ULK4: variants seen among roughly 807,000 people sequenced by gnomAD.
ULK4 encodes the protein unc-51 like kinase 4.
A neutral mutation model predicts 160.6 loss-of-function variants in ULK4; 133 were observed. The observed-to-expected ratio is 0.83, with a 90% CI of 0.72 to 0.96. The LOEUF (loss-of-function observed/expected upper bound fraction) is 0.96, where lower values mean the gene tolerates loss of function less well. ULK4 is among the 40% of genes least tolerant of loss of function. The pLI is 0.00. For synonymous variants in ULK4, 534 were observed against 539.8 expected, an observed-to-expected ratio of 0.99 and a Z score of 0.15; for missense variants, 1,580 against 1,499.5, an observed-to-expected ratio of 1.05 and a Z score of -0.89.
At chr3:41,890,490 G>A (rs1391760720) in intron 16 of ULK4, among the ~76,000 whole-genome samples, 13 of 151,892 alleles carry the variant, frequency 8.6e-5, no homozygotes, top group Admixed American at 7.9e-4. Flanking sequence ...GACCAGCCTG[G>A]CCAACATGGT....
At chr3:41,414,767 G>A (rs2125830551) in intron 34 of ULK4, among the ~76,000 whole-genome samples, 1 of 152,300 alleles carries the variant, frequency 6.6e-6, no homozygotes, top group African/African-American at 2.4e-5. Flanking sequence ...TCATTAAGCT[G>A]ATGAATGGTG....
chr3:41,794,973 G>T (rs1392018236), intron 20 of ULK4, among the ~76,000 whole-genome samples: 1 of 152,140 alleles, frequency 6.6e-6, no homozygotes, highest in African/African-American at 2.4e-5. Context: ...TTACAAGATG[G>T]AACCAAAGAG....
intron 32 of ULK4, among the ~76,000 whole-genome samples, chr3:41,481,999 T>A (rs2125897761): frequency 6.6e-6 from 1 of 152,318 alleles, no homozygotes; most frequent in Non-Finnish European, 1.5e-5. Context: ...ACAAGCATTG[T>A]ACCTAGGGTG....
chr3:41,623,149 T>C (rs2033336815), intron 30 of ULK4, among the ~76,000 whole-genome samples: 1 of 152,216 alleles, frequency 6.6e-6, no homozygotes, highest in Admixed American at 6.5e-5. Context: ...GTTGTAGGTA[T>C]GTGTAGTTTG....
At chr3:41,937,657 T>C (rs1042355789) in intron 3 of ULK4, among the ~76,000 whole-genome samples, 1 of 152,180 alleles carries the variant, frequency 6.6e-6, no homozygotes. Flanking sequence ...TATGAAGCAA[T>C]AGCTATAACT....
At chr3:41,642,779 T>C (rs2034282500) in intron 30 of ULK4, among the ~76,000 whole-genome samples, 1 of 152,244 alleles carries the variant, frequency 6.6e-6, no homozygotes, top group Admixed American at 6.5e-5. Flanking sequence ...ACTTCCACAA[T>C]GGTTGAACTG....
At chr3:41,660,272 G>C (rs938573868) in intron 30 of ULK4, among the ~76,000 whole-genome samples, 1 of 151,770 alleles carries the variant, frequency 6.6e-6, no homozygotes, top group African/African-American at 2.4e-5. Flanking sequence ...ACCAGCCTGT[G>C]GCAACAAGAG....
chr3:41,847,687 G>A (rs2042103752), intron 17 of ULK4, among the ~76,000 whole-genome samples: 1 of 151,788 alleles, frequency 6.6e-6, no homozygotes, highest in African/African-American at 2.4e-5. Flanking sequence ...ACAGAGCTAG[G>A]GCACATAAAA....
At chr3:41,954,176 TAAAAAAAAAAAAA>T (rs11325222) in intron 2 of ULK4, among the ~76,000 whole-genome samples, 1 of 118,688 alleles carries the variant, frequency 8.4e-6, no homozygotes. Context: ...GACTCCGTCT[TAAAAAAAAAAAAA>T]AAAAAAGAAA....
At chr3:41,665,525 T>C (rs1434551537) in intron 29 of ULK4, among the ~76,000 whole-genome samples, 1 of 152,170 alleles carries the variant, frequency 6.6e-6, no homozygotes, top group African/African-American at 2.4e-5. Flanking sequence ...GTTTAAGAAG[T>C]CAGCAAATGT....
intron 34 of ULK4, among the ~76,000 whole-genome samples, chr3:41,450,128 T>C (rs531542766): frequency 6.6e-6 from 1 of 152,260 alleles, no homozygotes; most frequent in East Asian, 1.9e-4. Context: ...TAGTTAACTA[T>C]CTAGTTTAAA....
At chr3:41,835,695 G>C (rs753199890) in intron 18 of ULK4, among the ~76,000 whole-genome samples, 169 bp downstream of exon 18, 21 of 152,190 alleles carry the variant, frequency 1.4e-4, no homozygotes, top group Non-Finnish European at 2.8e-4. Context: ...GATAGAAAGA[G>C]GCTGAGTAAC....
intron 32 of ULK4, among the ~76,000 whole-genome samples, chr3:41,483,981 A>T (rs2084417369): frequency 6.6e-6 from 1 of 152,220 alleles, no homozygotes; most frequent in African/African-American, 2.4e-5. Flanking sequence ...AGAAGGAATG[A>T]TGCCCTGACA....
chr3:41,387,157 C>G (rs1440392228), intron 35 of ULK4, among the ~76,000 whole-genome samples: 1 of 152,044 alleles, frequency 6.6e-6, no homozygotes, highest in Admixed American at 6.6e-5. Context: ...GGTTTCGATA[C>G]ATATAATGTA....
At chr3:41,914,839 G>A (rs2148807277) in intron 8 of ULK4, 1 of 152,236 alleles carries the variant, frequency 6.6e-6, no homozygotes, top group African/African-American at 2.4e-5. Flanking sequence ...CCAACATGGT[G>A]AAACCCCATC....
chr3:41,620,500 A>T (rs1192464015), intron 30 of ULK4, among the ~76,000 whole-genome samples: 1 of 152,242 alleles, frequency 6.6e-6, no homozygotes, highest in East Asian at 1.9e-4. Flanking sequence ...ATATAAAAAT[A>T]ACAAATGACA....
At chr3:41,765,404 G>C (rs987636655) in intron 21 of ULK4, among the ~76,000 whole-genome samples, 9 of 152,004 alleles carry the variant, frequency 5.9e-5, no homozygotes, top group African/African-American at 2.2e-4. Context: ...ACCGGGGCCT[G>C]TCATGGGGTG....
intron 19 of ULK4, among the ~76,000 whole-genome samples, chr3:41,813,740 T>C (rs924588004): frequency 6.6e-6 from 1 of 152,268 alleles, no homozygotes; most frequent in East Asian, 1.9e-4. Context: ...AAGAAATGTA[T>C]GTGCCATCAA....
chr3:41,898,605 C>T, intron 13 of ULK4, 113 bp from the exon 14 acceptor site: 2 of 628,586 alleles, frequency 3.2e-6, no homozygotes, highest in Non-Finnish European at 5.5e-6. Flanking sequence ...AAAGAATGTG[C>T]AAAATTTGTT....
Sources: allele counts gnomAD v4.1 joint callset (sites outside exome capture counted in the v4.1 genomes callset), GRCh38; gene constraint gnomAD v4.1.1; transcripts MANE v1.5; gene names NCBI Gene and HGNC (gene_info 2026-07-23, HGNC 2026-07-21).